The following CACNA2D1 variants were observed in gnomAD, a reference collection of about 807,000 sequenced individuals.
CACNA2D1 encodes the protein voltage-dependent calcium channel subunit alpha-2/delta-1.
In CACNA2D1, 53 loss-of-function variants were observed where a neutral mutation model predicts 171.5. The ratio of observed to expected loss-of-function variants is 0.31; its 90% CI spans 0.25 to 0.39. CACNA2D1 has a LOEUF of 0.39. Among genes scored for constraint, CACNA2D1 ranks in the 10% least tolerant of loss-of-function variants. The probability of loss-of-function intolerance (pLI) is 1.00; values close to 1 mark genes in which losing one functional copy is unlikely to be tolerated. For synonymous variants in CACNA2D1, 442 were observed against 443.1 expected (o/e 1.00, Z 0.03); for missense variants, 903 against 1,299.8 (o/e 0.69, Z 4.69).
rs36030630 is a variant in CACNA2D1 at position 82,100,828 on chromosome 7, CTT to C, written c.527-15930_527-15929del. Among the ~76,000 whole-genome samples, 992 of 146,130 alleles carry C rather than the reference CTT, an allele frequency of 6.8e-3. 7 individuals are homozygous for C. Among genetic ancestry groups the C allele is most frequent in the Non-Finnish European group, 9.9e-3 (658 of 66,554 alleles). ...AAGATTGATTTCCTGAACTTTTTAA[CTT>C]TTTTTTTTTTTCTGGCAAATGCTGT... is the stretch of plus-strand genomic sequence containing the variant. On this transcript the variant is annotated intron_variant, in intron 6 of 38. Transcript: ENST00000356860.
chr7:82,064,462 A>C, intron 8 of CACNA2D1, 108 bp from the exon 9 acceptor site: 1 of 731,722 alleles, frequency 1.4e-6, no homozygotes, highest in Non-Finnish European at 2.4e-6. Flanking sequence ...TCCCCAAGCA[A>C]AGACCCACTT....
intron 3 of CACNA2D1, among the ~76,000 whole-genome samples, chr7:82,332,004 G>A (rs1817360156): frequency 6.6e-6 from 1 of 152,004 alleles, no homozygotes; most frequent in Non-Finnish European, 1.5e-5. Context: ...TCATTTTCCA[G>A]TAATGAAAGT....
chr7:82,120,112 T>C (rs532037964), intron 5 of CACNA2D1, among the ~76,000 whole-genome samples: 127 of 152,122 alleles, frequency 8.3e-4, no homozygotes, highest in African/African-American at 3.0e-3. Context: ...AGCCCAGGAG[T>C]TTGAGGCTGC....
chr7:82,145,723 T>TAC (rs929319870), intron 4 of CACNA2D1, among the ~76,000 whole-genome samples: 2 of 149,372 alleles, frequency 1.3e-5, no homozygotes, highest in African/African-American at 2.4e-5. Flanking sequence ...TATATATATA[T>TAC]ACACACACAT....
chr7:82,306,439 AAAG>A (rs1018820893), intron 3 of CACNA2D1, among the ~76,000 whole-genome samples: 3 of 152,174 alleles, frequency 2.0e-5, no homozygotes, highest in South Asian at 2.1e-4. Context: ...TCCATCCTCT[AAAG>A]AAGAAGAAGG....
At chr7:82,013,020 T>C (rs1799986297) in intron 14 of CACNA2D1, among the ~76,000 whole-genome samples, 1 of 152,066 alleles carries the variant, frequency 6.6e-6, no homozygotes, top group South Asian at 2.1e-4. Context: ...GATTGATAAA[T>C]AGATCCACAG....
At chr7:82,244,727 C>G (rs1804705956) in intron 3 of CACNA2D1, among the ~76,000 whole-genome samples, 1 of 152,068 alleles carries the variant, frequency 6.6e-6, no homozygotes, top group African/African-American at 2.4e-5. Flanking sequence ...GAAAATTATT[C>G]TCAATAAGAA....
intron 1 of CACNA2D1, among the ~76,000 whole-genome samples, chr7:82,405,752 T>A (rs75960239): frequency 0.012 from 1,826 of 152,262 alleles, 14 homozygotes; most frequent in Non-Finnish European, 0.02. Flanking sequence ...TCAAAGTGTG[T>A]CACATCCTCA....
At chr7:82,190,028 C>G (rs920730106) in intron 3 of CACNA2D1, among the ~76,000 whole-genome samples, 4 of 151,864 alleles carry the variant, frequency 2.6e-5, no homozygotes, top group African/African-American at 9.7e-5. Flanking sequence ...GGTAACCCTA[C>G]TTTGCCTTGA....
At chr7:82,409,419 A>G (rs908037739) in intron 1 of CACNA2D1, among the ~76,000 whole-genome samples, 1 of 152,204 alleles carries the variant, frequency 6.6e-6, no homozygotes, top group Non-Finnish European at 1.5e-5. Context: ...AAACTGAAAT[A>G]TGAAGAAATA....
chr7:82,027,730 GTC>G (rs1469719119), intron 12 of CACNA2D1: 3 of 151,644 alleles, frequency 2.0e-5, no homozygotes, highest in African/African-American at 7.3e-5. Flanking sequence ...CTAACTTCAT[GTC>G]TCTGTCACAG....
At chr7:82,158,596 A>C (rs545179465) in intron 4 of CACNA2D1, among the ~76,000 whole-genome samples, 6 of 152,086 alleles carry the variant, frequency 3.9e-5, no homozygotes, top group African/African-American at 1.4e-4. Context: ...TTTAAGCCTG[A>C]GTCTACTCAA....
chr7:82,092,466 G>A (rs1164746931), intron 6 of CACNA2D1, among the ~76,000 whole-genome samples: 6 of 150,894 alleles, frequency 4.0e-5, no homozygotes, highest in Admixed American at 6.6e-5. Flanking sequence ...TCCGCCTCCC[G>A]GGTTCATGCC....
At chr7:82,020,089 T>C (rs1387500433) in intron 12 of CACNA2D1, among the ~76,000 whole-genome samples, 1 of 152,222 alleles carries the variant, frequency 6.6e-6, no homozygotes, top group African/African-American at 2.4e-5. Context: ...TTTCACACTT[T>C]ATTTTATAAA....
chr7:81,978,127 A>T (rs895923735), intron 24 of CACNA2D1, among the ~76,000 whole-genome samples: 1 of 152,198 alleles, frequency 6.6e-6, no homozygotes, highest in African/African-American at 2.4e-5. Context: ...GAATGCTTTT[A>T]CACTGTTGGT....
At chr7:81,961,345 C>T (rs1794092879) in intron 36 of CACNA2D1, among the ~76,000 whole-genome samples, 1 of 151,754 alleles carries the variant, frequency 6.6e-6, no homozygotes, top group South Asian at 2.1e-4. Flanking sequence ...TAACCATGAC[C>T]TAAAAAAACT....
At chr7:81,985,196 CTTT>C (rs774555240) in intron 21 of CACNA2D1, among the ~76,000 whole-genome samples, 2 of 104,192 alleles carry the variant, frequency 1.9e-5, no homozygotes, top group African/African-American at 8.2e-5. Flanking sequence ...ATTATCATTA[CTTT>C]TTTTTTTTTT....
intron 19 of CACNA2D1, among the ~76,000 whole-genome samples, chr7:81,996,341 C>T (rs925132433): frequency 8.5e-5 from 13 of 152,128 alleles, no homozygotes; most frequent in South Asian, 2.1e-4. Context: ...ACAAGGCCAC[C>T]GTCTAGGGTA....
chr7:82,126,355 T>G (rs1790336082), intron 5 of CACNA2D1, among the ~76,000 whole-genome samples: 1 of 152,174 alleles, frequency 6.6e-6, no homozygotes, highest in Non-Finnish European at 1.5e-5. Flanking sequence ...AATAAAACAT[T>G]GTCTCTATCT....
Sources: allele counts gnomAD v4.1 joint callset (sites outside exome capture counted in the v4.1 genomes callset), GRCh38; gene constraint gnomAD v4.1.1; transcripts MANE v1.5; gene names NCBI Gene and HGNC (gene_info 2026-07-23, HGNC 2026-07-21).